The following EXOC2 variants were observed in gnomAD, a reference collection of about 807,000 sequenced individuals.
EXOC2 encodes exocyst complex component 2.
A neutral mutation model predicts 131.8 loss-of-function variants in EXOC2; 70 were observed. The ratio of observed to expected loss-of-function variants is 0.53; its 90% confidence interval spans 0.44 to 0.65. The LOEUF (loss-of-function observed/expected upper bound fraction) is 0.65, where lower values mean the gene tolerates loss of function less well. Ranked by LOEUF, EXOC2 falls within the 30% of genes least tolerant of loss-of-function variation. The pLI is 0.00. For missense variants in EXOC2, 923 were observed against 1,108.6 expected, an observed-to-expected ratio of 0.83 and a Z score of 2.38; for synonymous variants, 411 against 398.4, an observed-to-expected ratio of 1.03 and a Z score of -0.38.
intron 23 of EXOC2, among the ~76,000 whole-genome samples, chr6:513,390 C>A (rs1479316984): frequency 6.6e-6 from 1 of 152,198 alleles, no homozygotes; most frequent in African/African-American, 2.4e-5. Flanking sequence ...CCAGCACAAA[C>A]CAAGGAGGAA....
At chr6:537,881 GATTCTCTGCAGATAGCAGCT>G (rs1435709591) in intron 22 of EXOC2, among the ~76,000 whole-genome samples, 1 of 152,208 alleles carries the variant, frequency 6.6e-6, no homozygotes, top group Non-Finnish European at 1.5e-5. Flanking sequence ...CAGGCAAAAT[GATTCTCTGCAGATAGCAGCT>G]GGAACGTTGC....
chr6:491,351 G>A (rs747938922), intron 25 of EXOC2, among the ~76,000 whole-genome samples, 165 bp from the exon 26 acceptor site: 8 of 152,242 alleles, frequency 5.3e-5, no homozygotes, highest in Non-Finnish European at 8.8e-5. Flanking sequence ...ACAGTCCGAA[G>A]AAATTTGCTA....
At chr6:547,868 G>T (rs1756946730) in intron 22 of EXOC2, among the ~76,000 whole-genome samples, 1 of 152,146 alleles carries the variant, frequency 6.6e-6, no homozygotes, top group Non-Finnish European at 1.5e-5. Flanking sequence ...ATCTTTTTAA[G>T]AATTAATTTA....
intron 1 of EXOC2, chr6:679,015 T>TA (rs1192079687): frequency 1.3e-5 from 2 of 151,944 alleles, no homozygotes; most frequent in African/African-American, 4.8e-5. Flanking sequence ...ATATGTATAT[T>TA]AAAAAAACTA....
intron 7 of EXOC2, among the ~76,000 whole-genome samples, chr6:604,968 C>T (rs1011857659): frequency 1.3e-5 from 2 of 152,022 alleles, no homozygotes; most frequent in Non-Finnish European, 2.9e-5. Flanking sequence ...AGGACTCCCA[C>T]CAGAGCAGTA....
intron 15 of EXOC2, 32 bp from the exon 16 acceptor site, chr6:564,186 C>T (rs1229968774): frequency 1.2e-6 from 2 of 1,608,690 alleles, no homozygotes. Flanking sequence ...CAGAAGTGAG[C>T]AGAGTGGGAT....
At chr6:620,230 C>T (rs543619506) in intron 4 of EXOC2, among the ~76,000 whole-genome samples, 14 of 152,288 alleles carry the variant, frequency 9.2e-5, no homozygotes, top group Admixed American at 5.9e-4. Context: ...TGCTGGGATG[C>T]CAGATGTACC....
At chr6:490,832 C>T (rs1763386723) in intron 26 of EXOC2, among the ~76,000 whole-genome samples, 1 of 152,200 alleles carries the variant, frequency 6.6e-6, no homozygotes, top group Admixed American at 6.5e-5. Flanking sequence ...TTGAGCTGTC[C>T]TTCAGAGTCT....
At chr6:603,168 G>A (rs1445478112) in intron 7 of EXOC2, among the ~76,000 whole-genome samples, 4 of 152,102 alleles carry the variant, frequency 2.6e-5, no homozygotes, top group African/African-American at 7.2e-5. Flanking sequence ...CAGAAGGAAC[G>A]CCCCCTCACC....
intron 23 of EXOC2, among the ~76,000 whole-genome samples, chr6:511,632 C>T (rs896217706): frequency 1.3e-5 from 2 of 152,200 alleles, no homozygotes; most frequent in African/African-American, 2.4e-5. Context: ...GAACCCAGCC[C>T]GAGCGGGACA....
At chr6:635,843 A>C (rs1252705537) in intron 2 of EXOC2, among the ~76,000 whole-genome samples, 2 of 152,256 alleles carry the variant, frequency 1.3e-5, no homozygotes, top group African/African-American at 4.8e-5. Flanking sequence ...CAGGCGGATC[A>C]CGAGGTCAAG....
At chr6:622,164 C>A (rs1761324777) in intron 4 of EXOC2, among the ~76,000 whole-genome samples, 1 of 152,190 alleles carries the variant, frequency 6.6e-6, no homozygotes, top group African/African-American at 2.4e-5. Context: ...GGCTGCAGAC[C>A]ATGTTTCTGT....
intron 13 of EXOC2, among the ~76,000 whole-genome samples, chr6:571,436 G>A (rs548748445): frequency 3.3e-5 from 5 of 152,286 alleles, no homozygotes; most frequent in East Asian, 1.9e-4. Context: ...GGTTTACAAC[G>A]GAGATACTAG....
chr6:629,730 T>C, intron 4 of EXOC2, 105 bp downstream of exon 4: 1 of 1,402,152 alleles, frequency 7.1e-7, no homozygotes, highest in Non-Finnish European at 9.6e-7. Context: ...TGTCTTCAAC[T>C]GTGTTTCCTG....
At chr6:498,341 T>C (rs1763855412) in intron 24 of EXOC2, among the ~76,000 whole-genome samples, 1 of 152,204 alleles carries the variant, frequency 6.6e-6, no homozygotes, top group African/African-American at 2.4e-5. Context: ...CACTACAATT[T>C]CCACAGATCT....
intron 11 of EXOC2, among the ~76,000 whole-genome samples, chr6:584,172 A>G (rs1759073165): frequency 6.6e-6 from 1 of 152,250 alleles, no homozygotes; most frequent in South Asian, 2.1e-4. Context: ...GTGGTTCCAC[A>G]GAAAATTCAA....
chr6:586,867 C>T (rs1418577555), intron 11 of EXOC2, among the ~76,000 whole-genome samples: 4 of 152,180 alleles, frequency 2.6e-5, no homozygotes, highest in African/African-American at 7.2e-5. Flanking sequence ...ATACGGAGGA[C>T]GTGGGTCTGT....
At position 606,741 on chromosome 6, in the gene EXOC2, T is replaced by C. The variant is rs555601621; in HGVS notation, c.742+3357A>G. ...ACATTTGCTCACCTTTGTTGGGAAGTTCCCCTCCACTGAGTTACTCTTGAG... is the reference window on the plus strand; with the variant it reads ...ACATTTGCTCACCTTTGTTGGGAAGCTCCCCTCCACTGAGTTACTCTTGAG... On this transcript the variant is annotated intron_variant, in intron 7 of 27. Coordinates refer to ENST00000230449, the MANE Select transcript of EXOC2 (RefSeq NM_018303.6). Among the ~76,000 whole-genome samples the C allele has an allele frequency of 2.6e-4, 40 of 152,312 alleles. 2 individuals are homozygous for C. In the South Asian group the frequency reaches 8.3e-3, roughly 32 times the overall value.
intron 1 of EXOC2, among the ~76,000 whole-genome samples, chr6:653,041 G>A (rs1239775649): frequency 6.6e-6 from 1 of 152,156 alleles, no homozygotes; most frequent in African/African-American, 2.4e-5. Context: ...TATTGTAACT[G>A]TTCCGGGGCA....
Sources: allele counts gnomAD v4.1 joint callset (sites outside exome capture counted in the v4.1 genomes callset), GRCh38; gene constraint gnomAD v4.1.1; transcripts MANE v1.5; gene names NCBI Gene and HGNC (gene_info 2026-07-23, HGNC 2026-07-21).